The following DCLK3 variants were observed in gnomAD, a reference collection of about 807,000 sequenced individuals.
The protein encoded by DCLK3 is serine/threonine-protein kinase DCLK3.
Under a neutral mutation model 46.4 loss-of-function variants are expected in DCLK3, and 30 were observed. The ratio of observed to expected loss-of-function variants is 0.65; its 90% CI spans 0.48 to 0.88. The LOEUF (loss-of-function observed/expected upper bound fraction) is 0.88, where lower values mean the gene tolerates loss of function less well. DCLK3 is among the 40% of genes least tolerant of loss of function. DCLK3 has a pLI of 0.00. For synonymous variants in DCLK3, 401 were observed against 339.2 expected (o/e 1.18, Z -2.00); for missense variants, 846 against 907.1 (o/e 0.93, Z 0.87).
intron 1 of DCLK3, among the ~76,000 whole-genome samples, chr3:36,748,437 G>C (rs978521740): frequency 2.6e-5 from 4 of 152,180 alleles, no homozygotes; most frequent in African/African-American, 9.7e-5. Flanking sequence ...AGGAGGACCA[G>C]CCACCTGCCT....
chr3:36,751,084 A>AAAAAAAAAAAAAAC (rs1701437809), intron 1 of DCLK3, among the ~76,000 whole-genome samples: 2 of 151,520 alleles, frequency 1.3e-5, no homozygotes, highest in African/African-American at 2.4e-5. Flanking sequence ...AAAAAAAAAA[A>AAAAAAAAAAAAAAC]AACTCCCCGA....
intron 2 of DCLK3, among the ~76,000 whole-genome samples, chr3:36,731,377 T>TA (rs1224349821): frequency 4.0e-5 from 6 of 151,334 alleles, no homozygotes; most frequent in South Asian, 2.1e-4. Flanking sequence ...TCTCCCAACT[T>TA]AAAAAAAAGA....
In DCLK3 at chr3:36,764,449, C is replaced by G. The variant is rs1325235548; in HGVS notation, c.-186G>C. 6.0e-6 allele frequency: 1 copy of G among 166,956 alleles called. No homozygotes were observed. Among genetic ancestry groups the G allele is most frequent in the African/African-American group, 2.4e-5 (1 of 41,680 alleles). 10.3% of individuals were successfully genotyped at this position (166,956 alleles called of 1,614,324 possible). Reference sequence around the variant, plus strand: ...CAGCCCCGCGCCGCGCAGCGCCCGGCGACAGCCACCGGGAACGTCTCCGGG... The same window carrying G: ...CAGCCCCGCGCCGCGCAGCGCCCGGGGACAGCCACCGGGAACGTCTCCGGG... On this transcript the variant is annotated 5_prime_UTR_variant, in exon 1 of 5. Coordinates refer to ENST00000636136, the MANE Select transcript of DCLK3 (RefSeq NM_001394672.2). The surrounding 1 kb of genome is among the most constrained non-coding windows in gnomAD (Gnocchi z 4.9).
chr3:36,715,364 C>G lies in DCLK3; in HGVS notation c.2418G>C (p.Arg806=), dbSNP rs1467585845. 3.1e-6 allele frequency: 5 copies of G among 1,613,996 alleles called. No homozygotes were observed. In the African/African-American group the frequency reaches 6.7e-5, roughly 22 times the overall value. The change falls in exon 5 of 5, where the codon CGG becomes CGC. Residue 806 remains arginine (R), a synonymous_variant. Coordinates refer to ENST00000636136, the MANE Select transcript of DCLK3 (RefSeq NM_001394672.2). ...GCTCCACAACCCTCTTGTGCTGGCT[C>G]CGGAAGTGACCCTCGCTGCTGGGGG... ...QVSPSSEGHF[R]SQHKRVVEQV...
At chr3:36,716,378 C>T in intron 4 of DCLK3, among the ~76,000 whole-genome samples, 1 of 152,222 alleles carries the variant, frequency 6.6e-6, no homozygotes, top group Middle Eastern at 3.2e-3. Flanking sequence ...CGATGTCCAG[C>T]CACCTCCTGA....
intron 1 of DCLK3, among the ~76,000 whole-genome samples, chr3:36,752,189 A>G (rs1575146783): frequency 6.6e-6 from 1 of 152,228 alleles, no homozygotes; most frequent in East Asian, 1.9e-4. Context: ...CCCATAATCA[A>G]TGACTGATGG....
At chr3:36,731,966 A>G (rs1432797843) in intron 2 of DCLK3, among the ~76,000 whole-genome samples, 1 of 152,222 alleles carries the variant, frequency 6.6e-6, no homozygotes, top group Non-Finnish European at 1.5e-5. Flanking sequence ...AATGCCCTTA[A>G]AGACTTTTAA....
At chr3:36,752,850 G>T (rs73054246) in intron 1 of DCLK3, among the ~76,000 whole-genome samples, 1 of 151,938 alleles carries the variant, frequency 6.6e-6, no homozygotes, top group African/African-American at 2.4e-5. Context: ...AGACACATAC[G>T]GCTATTTTCC....
intron 2 of DCLK3, among the ~76,000 whole-genome samples, chr3:36,727,534 T>C (rs1437836341): frequency 5.9e-5 from 9 of 152,226 alleles, no homozygotes; most frequent in Non-Finnish European, 1.2e-4. Context: ...AAATCTGTTT[T>C]TAGAGTATGA....
At chr3:36,727,104 G>A (rs1701132925) in intron 2 of DCLK3, among the ~76,000 whole-genome samples, 1 of 152,034 alleles carries the variant, frequency 6.6e-6, no homozygotes, top group African/African-American at 2.4e-5. Flanking sequence ...CCAACATGGT[G>A]AAACCCCATC....
chr3:36,745,565 A>G (rs1701387142), intron 1 of DCLK3, among the ~76,000 whole-genome samples: 1 of 152,222 alleles, frequency 6.6e-6, no homozygotes, highest in African/African-American at 2.4e-5. Flanking sequence ...CCTAGCAGAA[A>G]GGTGCCCCTG....
At chr3:36,728,741 C>T (rs190063899) in intron 2 of DCLK3, among the ~76,000 whole-genome samples, 348 of 152,218 alleles carry the variant, frequency 2.3e-3, no homozygotes, top group African/African-American at 7.9e-3. Context: ...AGCCAAGTCC[C>T]CTAATAAATC....
At chr3:36,752,164 C>T (rs1208571585) in intron 1 of DCLK3, among the ~76,000 whole-genome samples, 1 of 152,240 alleles carries the variant, frequency 6.6e-6, no homozygotes, top group Non-Finnish European at 1.5e-5. Context: ...TCCAACTCTG[C>T]CTTCACAAGG....
At chr3:36,722,427 A>T (rs1394588432) in intron 2 of DCLK3, among the ~76,000 whole-genome samples, 1 of 152,224 alleles carries the variant, frequency 6.6e-6, no homozygotes, top group Non-Finnish European at 1.5e-5. Context: ...TGAATACCCC[A>T]TTCTCCATGA....
At chr3:36,719,477 C>T (rs993907954) in intron 3 of DCLK3, among the ~76,000 whole-genome samples, 1 of 152,140 alleles carries the variant, frequency 6.6e-6, no homozygotes, top group African/African-American at 2.4e-5. Flanking sequence ...GATTGATTTT[C>T]CTGGACCTCA....
rs1044279803 is a variant in DCLK3 at position 36,737,608 on chromosome 3, T to A, written c.1559A>T (p.Asn520Ile). ...GCCAGTCTCATAATGCTTTTCCACA[T>A]TGGCGGCAATGATGCCCATGGGCCG... ...KPRPMGIIAA[N>I]VEKHYETGRV... Residue 520 changes from asparagine to isoleucine, a missense_variant, in exon 2 of 5, where the codon AAT becomes ATT. This residue lies in a region of DCLK3 where 553 missense variants were observed against 543.0 expected (regional missense o/e 1.02). Coordinates refer to ENST00000636136, the MANE Select transcript of DCLK3 (RefSeq NM_001394672.2). The surrounding 1 kb of genome is among the most constrained non-coding windows in gnomAD (Gnocchi z 4.4). 1 of 1,614,176 alleles carries A rather than the reference T, an allele frequency of 6.2e-7. No homozygotes were observed. Among genetic ancestry groups the A allele is most frequent in the Non-Finnish European group, 8.5e-7 (1 of 1,180,022 alleles).
At chr3:36,743,750 T>C (rs1329946643) in intron 1 of DCLK3, among the ~76,000 whole-genome samples, 2 of 152,136 alleles carry the variant, frequency 1.3e-5, no homozygotes, top group Non-Finnish European at 2.9e-5. Flanking sequence ...ATCTGCTCAA[T>C]AACCTACAGT....
At chr3:36,717,946 T>C in intron 4 of DCLK3, 64 bp downstream of exon 4, 2 of 1,599,906 alleles carry the variant, frequency 1.3e-6, no homozygotes, top group Non-Finnish European at 1.7e-6. Context: ...TGGTGGGTCC[T>C]CTACACATCT....
At position 36,737,815 on chromosome 3, in the gene DCLK3, G is replaced by C. The variant is rs780125616; in HGVS notation, c.1352C>G (p.Ala451Gly). 1.9e-6 allele frequency: 3 copies of C among 1,613,942 alleles called. No individual in the cohort carries two copies. The highest frequency in any genetic ancestry group is 2.5e-6 in the Non-Finnish European group (3 of 1,180,026). Residue 451 changes from alanine to glycine, a missense_variant, in exon 2 of 5, where the codon GCG becomes GGG. Coordinates refer to ENST00000636136, the MANE Select transcript of DCLK3 (RefSeq NM_001394672.2). This position sits in a 1 kb window ranked among gnomAD's most constrained non-coding sequence, Gnocchi z 4.4. The part of the protein sequence containing the change: ...HGGWLLREHQ[A>G]GFEKLRRTRG... Reference sequence around the variant, plus strand: ...GGTCCTGCGGAGCTTCTCAAAGCCCGCCTGGTGCTCTCTCAGGAGCCAGCC... The same window carrying C: ...GGTCCTGCGGAGCTTCTCAAAGCCCCCCTGGTGCTCTCTCAGGAGCCAGCC...
Sources: gnomAD v4.1 joint callset for allele counts (sites outside exome capture counted in the v4.1 genomes callset) on GRCh38, gnomAD v4.1.1 for gene constraint, gnomAD v4.1.1 regional missense constraint, Gnocchi (gnomAD v3.1) non-coding constraint, MANE v1.5 for transcripts, NCBI Gene and HGNC (gene_info 2026-07-23, HGNC 2026-07-21) for gene names.